SORCS2: variants seen among roughly 807,000 people sequenced by gnomAD.
The protein encoded by SORCS2 is VPS10 domain-containing receptor SorCS2.
SORCS2 carries 100 observed loss-of-function variants against 141.6 expected under a neutral mutation model. The observed-to-expected ratio is 0.71, with a 90% confidence interval of 0.60 to 0.83. SORCS2 has a LOEUF of 0.83. SORCS2 is among the 40% of genes least tolerant of loss of function. SORCS2 has a pLI of 0.00. For synonymous variants in SORCS2, 789 were observed against 676.9 expected (o/e 1.17, Z -2.57); for missense variants, 1,646 against 1,560.2 (o/e 1.05, Z -0.93).
intron 2 of SORCS2, among the ~76,000 whole-genome samples, chr4:7,437,016 G>T (rs73086347): frequency 1.6e-4 from 24 of 152,282 alleles, no homozygotes; most frequent in African/African-American, 5.8e-4. Context: ...TTGTTTCGGG[G>T]ACTGGGGTGT....
intron 3 of SORCS2, among the ~76,000 whole-genome samples, chr4:7,603,905 G>A (rs986565218): frequency 3.3e-5 from 5 of 152,106 alleles, no homozygotes; most frequent in Non-Finnish European, 7.4e-5. Context: ...AGGCTGCCTC[G>A]AGTTTACACA....
intron 3 of SORCS2, among the ~76,000 whole-genome samples, chr4:7,608,366 T>C (rs1007586123): frequency 1.3e-5 from 2 of 152,216 alleles, no homozygotes; most frequent in Non-Finnish European, 2.9e-5. Context: ...TTTGACCACC[T>C]GAAGCTACCT....
In SORCS2 at chr4:7,724,767, TGATGGTGGTGATGGTGCTGGTGAG is replaced by T. The variant is rs1426672296; in HGVS notation, c.2612-379_2612-356del. 5.5e-5 allele frequency among the ~76,000 whole-genome samples: 4 copies of T among 72,796 alleles called. 1 individual carries two copies. The highest frequency in any genetic ancestry group is 2.0e-4 in the African/African-American group (4 of 20,062). The allele number at this position is 72,796 out of a possible 152,430, so 47.8% of individuals were successfully genotyped here. On this transcript the variant is annotated intron_variant, in intron 19 of 26. Coordinates refer to ENST00000507866, the MANE Select transcript of SORCS2 (RefSeq NM_020777.3). ...GTGGTGATGGTGGTGGTGTTGGTGA[TGATGGTGGTGATGGTGCTGGTGAG>T]GATGGTGATGGTGGTGATGGTGGTG...
Position 7,661,747 on chromosome 4 carries a change from A to G in SORCS2, c.952+183A>G, listed in dbSNP as rs568695152. ...TTCCAGCTGGGGAGGAATCGAAGTC[A>G]GGGAGCTCCACTCCAGTGGAAAAGT... On this transcript the variant is annotated intron_variant, in intron 6 of 26. Coordinates refer to ENST00000507866, the MANE Select transcript of SORCS2 (RefSeq NM_020777.3). 3.3e-5 allele frequency among the ~76,000 whole-genome samples: 5 copies of G among 152,298 alleles called. No homozygotes were observed. In the East Asian group the frequency reaches 9.7e-4, roughly 29 times the overall value.
chr4:7,653,226 T>G (rs1192493829), intron 4 of SORCS2, among the ~76,000 whole-genome samples: 1 of 152,168 alleles, frequency 6.6e-6, no homozygotes, highest in Non-Finnish European at 1.5e-5. Context: ...AGCCTTCACT[T>G]CCAAAGCTCC....
At chr4:7,304,957 G>C (rs1432696059) in intron 1 of SORCS2, among the ~76,000 whole-genome samples, 2 of 152,196 alleles carry the variant, frequency 1.3e-5, no homozygotes, top group Non-Finnish European at 2.9e-5. Context: ...TGCTCGTGAG[G>C]GCTTCTGGCG....
At chr4:7,624,882 G>T (rs1359574667) in intron 3 of SORCS2, among the ~76,000 whole-genome samples, 2 of 152,238 alleles carry the variant, frequency 1.3e-5, no homozygotes, top group Non-Finnish European at 2.9e-5. Context: ...AACCCCTTAA[G>T]AGAACTGAGA....
At chr4:7,706,021 G>GGCTCCGCCTGGGCAGGGATGAGGCTGC (rs1560498442) in intron 14 of SORCS2, among the ~76,000 whole-genome samples, 1 of 145,702 alleles carries the variant, frequency 6.9e-6, no homozygotes, top group Non-Finnish European at 1.6e-5. Context: ...GATGAGGCTG[G>GGCTCCGCCTGGGCAGGGATGAGGCTGC]GCTCTGTCTG....
rs560494964 is a variant in SORCS2 at position 7,478,391 on chromosome 4, T to C, written c.549-53139T>C. 8.6e-5 allele frequency among the ~76,000 whole-genome samples: 13 copies of C among 151,992 alleles called. No individual in the cohort carries two copies. The East Asian group carries it at 2.5e-3, about 29-fold the overall frequency. On this transcript the variant is annotated intron_variant, in intron 2 of 26. Transcript: ENST00000507866. ...TCCAGGTGAGGCCTCCCACACCCCC[T>C]TATTTAAAAGAGTACCGCCACCCCC...
intron 1 of SORCS2, among the ~76,000 whole-genome samples, chr4:7,262,904 GC>G (rs576024247): frequency 4.1e-4 from 62 of 152,336 alleles, no homozygotes; most frequent in African/African-American, 1.5e-3. Context: ...TCACCGCAGG[GC>G]TCAGACGGCC....
At chr4:7,359,243 C>A (rs539467794) in intron 1 of SORCS2, among the ~76,000 whole-genome samples, 31 of 152,238 alleles carry the variant, frequency 2.0e-4, no homozygotes, top group African/African-American at 7.0e-4. Flanking sequence ...TTGCAGTGAG[C>A]CAAGATGGCG....
intron 3 of SORCS2, among the ~76,000 whole-genome samples, chr4:7,543,953 C>T (rs374747309): frequency 2.7e-5 from 4 of 147,736 alleles, no homozygotes; most frequent in East Asian, 2.1e-4. Context: ...TCCATCCATC[C>T]ATCCATCCAT....
intron 1 of SORCS2, among the ~76,000 whole-genome samples, chr4:7,226,833 A>C (rs905661795): frequency 5.3e-5 from 8 of 152,166 alleles, no homozygotes; most frequent in African/African-American, 1.9e-4. Context: ...GGGAAGCACC[A>C]GGGCGTGGCC....
chr4:7,292,935 T>G (rs1304127055), intron 1 of SORCS2, among the ~76,000 whole-genome samples: 1 of 152,226 alleles, frequency 6.6e-6, no homozygotes, highest in Non-Finnish European at 1.5e-5. Context: ...GAGTGGTCCA[T>G]GCAGATAGTG....
At chr4:7,702,356 A>G (rs1033329378) in intron 12 of SORCS2, among the ~76,000 whole-genome samples, 1 of 151,714 alleles carries the variant, frequency 6.6e-6, no homozygotes, top group Non-Finnish European at 1.5e-5. Context: ...CCGCCCACAC[A>G]TGCATGTTCA....
intron 2 of SORCS2, among the ~76,000 whole-genome samples, chr4:7,454,886 A>G (rs1231548607): frequency 1.0e-5 from 1 of 99,190 alleles, no homozygotes; most frequent in Non-Finnish European, 1.9e-5. Flanking sequence ...TGTTGGGGTC[A>G]GGTGCTGTGT....
intron 1 of SORCS2, among the ~76,000 whole-genome samples, chr4:7,204,622 C>T (rs1436272975): frequency 6.6e-6 from 1 of 152,148 alleles, no homozygotes; most frequent in Non-Finnish European, 1.5e-5. Flanking sequence ...CAATTGCAAC[C>T]CCCAAGGAAA....
intron 1 of SORCS2, among the ~76,000 whole-genome samples, chr4:7,330,190 G>T (rs1031286654): frequency 4.6e-5 from 7 of 151,748 alleles, no homozygotes; most frequent in African/African-American, 9.7e-5. Context: ...AGGGACACGT[G>T]TGATTGCATT....
At chr4:7,621,517 A>T (rs1719186046) in intron 3 of SORCS2, among the ~76,000 whole-genome samples, 1 of 145,660 alleles carries the variant, frequency 6.9e-6, no homozygotes, top group South Asian at 2.2e-4. Flanking sequence ...CTGTATGTTT[A>T]TGTGTGTGTC....
Sources: gnomAD v4.1 joint callset for allele counts (sites outside exome capture counted in the v4.1 genomes callset) on GRCh38, gnomAD v4.1.1 for gene constraint, MANE v1.5 for transcripts, NCBI Gene and HGNC (gene_info 2026-07-23, HGNC 2026-07-21) for gene names.